Variants in NPAS3 observed in about 807,000 individuals in gnomAD.
NPAS3 encodes neuronal PAS domain protein 3.
In NPAS3, 14 loss-of-function variants were observed where a neutral mutation model predicts 73.1. The observed-to-expected ratio is 0.19, with a 90% CI of 0.13 to 0.30. The LOEUF (loss-of-function observed/expected upper bound fraction) is 0.30, where lower values mean the gene tolerates loss of function less well. NPAS3 is among the 10% of genes least tolerant of loss of function. The probability of loss-of-function intolerance (pLI) is 1.00; values close to 1 mark genes in which losing one functional copy is unlikely to be tolerated. For synonymous variants in NPAS3, 620 were observed against 541.5 expected, an observed-to-expected ratio of 1.14 and a Z score of -2.01; for missense variants, 1,096 against 1,250.0, an observed-to-expected ratio of 0.88 and a Z score of 1.86.
chr14:33,693,410 G>A (rs147387232), intron 6 of NPAS3, among the ~76,000 whole-genome samples: 4 of 152,234 alleles, frequency 2.6e-5, no homozygotes, highest in Non-Finnish European at 4.4e-5. Flanking sequence ...TTGACCTTCC[G>A]CATACCCATG....
rs1339953416 is a variant in NPAS3, at chr14:33,526,282, A to T, written c.469-33839A>T. Among the ~76,000 whole-genome samples, 6 of 142,834 alleles carry T rather than the reference A, an allele frequency of 4.2e-5. No individual in the cohort carries two copies. In the East Asian group the frequency reaches 1.2e-3, roughly 29 times the overall value. The allele number at this position is 142,834 out of a possible 152,430, so 93.7% of individuals were successfully genotyped here. A position where few individuals can be genotyped will look rare whatever the true frequency, so the allele number is the denominator to read the frequency against. Reference sequence around the variant, plus strand: ...CCAGTAAATAATAAACTCACAGTATACTGAAGTCACATATAGTTTTTTAAA... The same window carrying T: ...CCAGTAAATAATAAACTCACAGTATTCTGAAGTCACATATAGTTTTTTAAA... On this transcript the variant is annotated intron_variant, in intron 4 of 11. Transcript: ENST00000356141.
intron 6 of NPAS3, among the ~76,000 whole-genome samples, chr14:33,702,308 C>T (rs556515965): frequency 6.6e-6 from 1 of 152,310 alleles, no homozygotes; most frequent in African/African-American, 2.4e-5. Flanking sequence ...GGGAGAGTGG[C>T]TTTCTATTGC....
chr14:33,760,476 A>G (rs1279227380), intron 7 of NPAS3, among the ~76,000 whole-genome samples: 1 of 152,198 alleles, frequency 6.6e-6, no homozygotes, highest in Non-Finnish European at 1.5e-5. Flanking sequence ...AACATGATAC[A>G]GGATCATTTG....
intron 3 of NPAS3, among the ~76,000 whole-genome samples, chr14:33,275,846 C>G (rs543245391): frequency 4.2e-4 from 64 of 152,166 alleles, no homozygotes; most frequent in Non-Finnish European, 6.9e-4. Flanking sequence ...TTTCACAAAT[C>G]TAATTTTTAA....
chr14:33,664,712 A>G (rs975583598), intron 5 of NPAS3, among the ~76,000 whole-genome samples: 2 of 152,256 alleles, frequency 1.3e-5, no homozygotes, highest in Non-Finnish European at 2.9e-5. Flanking sequence ...ATAAACAGAC[A>G]GTTCTCAAAA....
chr14:33,517,101 T>G (rs2053339490), intron 4 of NPAS3, among the ~76,000 whole-genome samples: 1 of 152,100 alleles, frequency 6.6e-6, no homozygotes, highest in Non-Finnish European at 1.5e-5. Context: ...GTATTCACTA[T>G]TGGCATCCTA....
chr14:33,632,874 G>A (rs2058420091), intron 5 of NPAS3, among the ~76,000 whole-genome samples: 1 of 152,092 alleles, frequency 6.6e-6, no homozygotes, highest in South Asian at 2.1e-4. Flanking sequence ...ATAGAGTTTG[G>A]GTGGCTTGTA....
chr14:33,404,086 T>C (rs537837392), intron 4 of NPAS3, among the ~76,000 whole-genome samples: 10 of 152,154 alleles, frequency 6.6e-5, no homozygotes, highest in African/African-American at 2.4e-4. Flanking sequence ...CCAAGGGAAA[T>C]AGTAAAATTT....
At chr14:33,682,772 T>C (rs563237121) in intron 6 of NPAS3, among the ~76,000 whole-genome samples, 1 of 152,354 alleles carries the variant, frequency 6.6e-6, no homozygotes, top group South Asian at 2.1e-4. Context: ...TGCTTGTGTG[T>C]AAAATGAGAA....
intron 6 of NPAS3, among the ~76,000 whole-genome samples, chr14:33,708,957 C>T (rs983882654): frequency 6.6e-6 from 1 of 152,128 alleles, no homozygotes; most frequent in Non-Finnish European, 1.5e-5. Context: ...TCATTTTCTC[C>T]ATTTGCAAAG....
At chr14:32,943,502 C>G (rs2036116668) in intron 1 of NPAS3, among the ~76,000 whole-genome samples, 1 of 152,112 alleles carries the variant, frequency 6.6e-6, no homozygotes, top group Non-Finnish European at 1.5e-5. Flanking sequence ...AGATCCTGGT[C>G]TGGGATTCAG....
intron 2 of NPAS3, among the ~76,000 whole-genome samples, chr14:33,142,113 C>A (rs182587451): frequency 6.7e-6 from 1 of 149,088 alleles, no homozygotes; most frequent in Non-Finnish European, 1.5e-5. Flanking sequence ...GTTATTAAGG[C>A]TGTAACATTT....
intron 2 of NPAS3, among the ~76,000 whole-genome samples, chr14:33,069,911 T>C (rs2041425191): frequency 6.6e-6 from 1 of 152,172 alleles, no homozygotes; most frequent in East Asian, 1.9e-4. Flanking sequence ...AGTTTAAAAA[T>C]GACAGAGAAT....
At chr14:33,073,851 A>G (rs1451135914) in intron 2 of NPAS3, among the ~76,000 whole-genome samples, 1 of 152,218 alleles carries the variant, frequency 6.6e-6, no homozygotes, top group Admixed American at 6.5e-5. Context: ...GCCAGCTTAC[A>G]GGCTTTTGTG....
At chr14:33,576,290 C>A (rs2056430502) in intron 5 of NPAS3, among the ~76,000 whole-genome samples, 1 of 152,120 alleles carries the variant, frequency 6.6e-6, no homozygotes, top group Non-Finnish European at 1.5e-5. Flanking sequence ...CCTTTCAGTT[C>A]CACCACGATT....
At chr14:33,543,985 A>ATATATATATC (rs2054651167) in intron 4 of NPAS3, among the ~76,000 whole-genome samples, 1 of 38,118 alleles carries the variant, frequency 2.6e-5, no homozygotes, top group African/African-American at 2.5e-4. Flanking sequence ...ATATATATAT[A>ATATATATATC]TATATATATA....
intron 1 of NPAS3, among the ~76,000 whole-genome samples, chr14:33,044,778 G>A (rs1004743155): frequency 1.3e-5 from 2 of 151,996 alleles, no homozygotes; most frequent in African/African-American, 4.8e-5. Context: ...ATGCGCCTTG[G>A]GAATCTCAAA....
chr14:33,470,672 G>T (rs772779458), intron 4 of NPAS3, among the ~76,000 whole-genome samples: 5 of 152,092 alleles, frequency 3.3e-5, no homozygotes, highest in Non-Finnish European at 7.4e-5. Flanking sequence ...AGTTGCCAAA[G>T]GATCTTATAC....
intron 6 of NPAS3, among the ~76,000 whole-genome samples, chr14:33,729,014 C>T (rs1415986272): frequency 6.6e-6 from 1 of 152,020 alleles, no homozygotes; most frequent in Non-Finnish European, 1.5e-5. Context: ...TAACTGAATG[C>T]CTACTTATAT....
Sources: allele counts gnomAD v4.1 joint callset (sites outside exome capture counted in the v4.1 genomes callset), GRCh38; gene constraint gnomAD v4.1.1; transcripts MANE v1.5; gene names NCBI Gene and HGNC (gene_info 2026-07-23, HGNC 2026-07-21).